CAMK1: variants seen among roughly 807,000 people sequenced by gnomAD.
The protein encoded by CAMK1 is calcium/calmodulin dependent protein kinase I.
CAMK1 carries 39 observed loss-of-function variants against 49.1 expected under a neutral mutation model. The observed-to-expected ratio is 0.79, with a 90% CI of 0.62 to 1.04. The LOEUF (loss-of-function observed/expected upper bound fraction) is 1.04, where lower values mean the gene tolerates loss of function less well. CAMK1 is among the 50% of genes least tolerant of loss of function. The pLI is 0.00. For missense variants in CAMK1, 457 were observed against 472.2 expected (o/e 0.97, Z 0.30); for synonymous variants, 192 against 185.2 (o/e 1.04, Z -0.30).
At chr3:9,763,623 C>G (rs780757314) in intron 3 of CAMK1, among the ~76,000 whole-genome samples, 1 of 152,112 alleles carries the variant, frequency 6.6e-6, no homozygotes, top group Non-Finnish European at 1.5e-5. Context: ...AAATCCTGCC[C>G]GTCACATGCT....
intron 1 of CAMK1, among the ~76,000 whole-genome samples, chr3:9,769,420 G>A (rs1024502943): frequency 1.3e-5 from 2 of 152,024 alleles, no homozygotes; most frequent in African/African-American, 4.8e-5. Flanking sequence ...AAGACCCTGA[G>A]AGCCAAATAC....
rs560364655 is a variant in CAMK1 at position 9,767,765 on chromosome 3, G to T, written c.-16C>A. On this transcript the variant is annotated 5_prime_UTR_variant, in exon 2 of 12. Coordinates refer to ENST00000256460, the MANE Select transcript of CAMK1 (RefSeq NM_003656.5). ...CCCCCAGCATGGCCCACTGCCCCCC[G>T]ACCACAGCCAGGGCTCCTGTAAGGA... The T allele has an allele frequency of 1.5e-5, 24 of 1,613,560 alleles. No individual in the cohort carries two copies. In the South Asian group the frequency reaches 1.9e-4, roughly 13 times the overall value.
chr3:9,767,744 C>CCG lies in CAMK1; in HGVS notation c.5_6insCG (p.Ala4GlyfsTer32). 1 of 1,614,046 alleles carries CCG rather than the reference C, an allele frequency of 6.2e-7. No individual in the cohort carries two copies. Among genetic ancestry groups the CCG allele is most frequent in the Non-Finnish European group, 8.5e-7 (1 of 1,180,014 alleles). ...TCCACCTGGGGCCTTCCACTGCCCC[C>CCG]AGCATGGCCCACTGCCCCCCGACCA... On this transcript the variant is annotated frameshift_variant, in exon 2 of 12. Coordinates refer to ENST00000256460, the MANE Select transcript of CAMK1 (RefSeq NM_003656.5). LOFTEE classifies it high-confidence loss of function.
rs2077885576 is a variant in CAMK1, at chr3:9,761,740, G to A, written c.447C>T (p.Tyr149=). The A allele has an allele frequency of 6.2e-7, 1 of 1,614,186 alleles. No homozygotes were observed. The highest frequency in any genetic ancestry group is 1.7e-5 in the Admixed American group (1 of 60,028). ...HRDLKPENLL[Y]YSLDEDSKIM... ...TTTTGGAGTCTTCATCCAGGCTGTA[G>A]TACAGCAGATTCTCTGGCTTGAAGG... The change falls in exon 6 of 12, where the codon TAC becomes TAT. Residue 149 remains tyrosine, a synonymous_variant. Coordinates refer to ENST00000256460, the MANE Select transcript of CAMK1 (RefSeq NM_003656.5).
chr3:9,767,759 C>T lies in CAMK1; in HGVS notation c.-10G>A, dbSNP rs757517790. ...CCACTGCCCCCAGCATGGCCCACTGCCCCCCGACCACAGCCAGGGCTCCTG... is the reference window on the plus strand; with the variant it reads ...CCACTGCCCCCAGCATGGCCCACTGTCCCCCGACCACAGCCAGGGCTCCTG... On this transcript the variant is annotated 5_prime_UTR_variant, in exon 2 of 12. Transcript: ENST00000256460. The T allele has an allele frequency of 3.7e-6, 6 of 1,613,462 alleles. No individual in the cohort carries two copies. The highest frequency in any genetic ancestry group is 1.6e-4 in the Middle Eastern group (1 of 6,084).
intron 8 of CAMK1, 93 bp downstream of exon 8, chr3:9,760,563 G>A (rs553868707): frequency 1.4e-5 from 18 of 1,313,436 alleles, no homozygotes; most frequent in East Asian, 1.2e-4. Flanking sequence ...TGGAAAATCC[G>A]ACAGAAGGAA....
At position 9,763,190 on chromosome 3, in the gene CAMK1, G is replaced by T. The variant is rs1267006800; in HGVS notation, c.239C>A (p.Ala80Asp). Residue 80 changes from alanine (A) to aspartate (D), a missense_variant, in exon 4 of 12, where the codon GCC becomes GAC. Transcript: ENST00000256460. Reference protein sequence around the residue: ...LHKIKHPNIVALDDIYESGGH... With the variant: ...LHKIKHPNIVDLDDIYESGGH... ...CCCACTCTCATAGATGTCATCCAGG[G>T]CTACAATGTTGGGGTGCTTGATCCT... 3 of 1,613,854 alleles carry T rather than the reference G, an allele frequency of 1.9e-6. No homozygotes were observed. The highest frequency in any genetic ancestry group is 2.2e-5 in the East Asian group (1 of 44,890).
At chr3:9,760,851 C>A (rs2077828730) in intron 7 of CAMK1, 83 bp from the exon 8 acceptor site, 9 of 1,584,718 alleles carry the variant, frequency 5.7e-6, no homozygotes, top group Non-Finnish European at 7.7e-6. Flanking sequence ...TCTCAGGGGT[C>A]AGGCAGGAGC....
At chr3:9,760,849 G>T in intron 7 of CAMK1, 81 bp from the exon 8 acceptor site, 1 of 1,590,704 alleles carries the variant, frequency 6.3e-7, no homozygotes, top group South Asian at 1.1e-5. Flanking sequence ...AGTCTCAGGG[G>T]TCAGGCAGGA....
rs924964400 is a variant in CAMK1, at chr3:9,757,986, C to G, written c.913-140G>C. 6.4e-6 allele frequency: 9 copies of G among 1,396,744 alleles called. No homozygotes were observed. The highest frequency in any genetic ancestry group is 8.5e-6 in the Non-Finnish European group (9 of 1,056,298). 86.5% of individuals were successfully genotyped at this position (1,396,744 alleles called of 1,614,324 possible). A position where few individuals can be genotyped will look rare whatever the true frequency, so the allele number is the denominator to read the frequency against. On this transcript the variant is annotated intron_variant, in intron 10 of 11. Transcript: ENST00000256460. This position sits in a 1 kb window ranked among gnomAD's most constrained non-coding sequence, Gnocchi z 4.5. Reference sequence around the variant, plus strand: ...TATTTTATTAATTCCCCTAAAGCCCCCCAAAAACCTCTACAAGGCTTTATT... The same window carrying G: ...TATTTTATTAATTCCCCTAAAGCCCGCCAAAAACCTCTACAAGGCTTTATT...
At chr3:9,762,251 GC>G (rs1175057147) in intron 5 of CAMK1, 1 of 153,980 alleles carries the variant, frequency 6.5e-6, no homozygotes, top group Non-Finnish European at 1.4e-5. Flanking sequence ...CTAAATGTGA[GC>G]CCCGTCGCTA....
chr3:9,759,688 C>G lies in CAMK1; in HGVS notation c.808G>C (p.Ala270Pro). Reference protein sequence around the residue: ...DPEKRFTCEQALQHPWIAGDT... With the variant: ...DPEKRFTCEQPLQHPWIAGDT... ...AATTCTCACCATGGGTGCTGCAAGG[C>G]CTGCTCACAGGTGAATCTTTTCTCT... The change falls in exon 9 of 12, where the codon GCC becomes CCC. Residue 270 changes from alanine to proline, a missense_variant. By Grantham distance (27) the Ala-to-Pro change is conservative (BLOSUM62 -1). Coordinates refer to ENST00000256460, the MANE Select transcript of CAMK1 (RefSeq NM_003656.5). 1 of 1,614,214 alleles carries G rather than the reference C, an allele frequency of 6.2e-7. No homozygotes were observed. The highest frequency in any genetic ancestry group is 8.5e-7 in the Non-Finnish European group (1 of 1,180,048).
Position 9,761,667 on chromosome 3 carries a change from C to G in CAMK1, c.520G>C (p.Val174Leu), listed in dbSNP as rs945677826. 6.2e-7 allele frequency: 1 copy of G among 1,614,190 alleles called. No homozygotes were observed. The highest frequency in any genetic ancestry group is 8.5e-7 in the Non-Finnish European group (1 of 1,180,016). The part of the protein sequence containing the change: ...GLSKMEDPGS[V>L]LSTACGTPGY... ...GGAGTTCCACAGGCGGTGGAGAGCA[C>G]ACTGCCCGGGTCCTCCATCTTGGAG... The change falls in exon 6 of 12, where the codon GTG becomes CTG. Residue 174 changes from valine (V) to leucine (L), a missense_variant. Val to Leu is a conservative substitution (Grantham distance 32, BLOSUM62 1). Coordinates refer to ENST00000256460, the MANE Select transcript of CAMK1 (RefSeq NM_003656.5).
At chr3:9,765,045 G>C (rs1420167797) in intron 3 of CAMK1, among the ~76,000 whole-genome samples, 1 of 151,762 alleles carries the variant, frequency 6.6e-6, no homozygotes, top group Non-Finnish European at 1.5e-5. Flanking sequence ...TGGCCAACAT[G>C]GCGAAACCCC....
At chr3:9,766,063 G>A in intron 2 of CAMK1, 173 bp from the exon 3 acceptor site, 2 of 1,580,758 alleles carry the variant, frequency 1.3e-6, no homozygotes, top group Non-Finnish European at 1.7e-6. Flanking sequence ...CCCAGGCCTG[G>A]CCAGTCAAAG....
intron 10 of CAMK1, chr3:9,759,215 C>T (rs761032372): frequency 4.3e-6 from 7 of 1,614,126 alleles, no homozygotes; most frequent in East Asian, 4.5e-5. Context: ...ACTTTTATGA[C>T]CTTTCTCGGA....
At chr3:9,760,563 G>T (rs553868707) in intron 8 of CAMK1, 93 bp downstream of exon 8, 3 of 1,313,436 alleles carry the variant, frequency 2.3e-6, no homozygotes, top group African/African-American at 2.9e-5. Context: ...TGGAAAATCC[G>T]ACAGAAGGAA....
At chr3:9,760,167 C>T (rs1478527931) in intron 8 of CAMK1, 3 of 196,084 alleles carry the variant, frequency 1.5e-5, no homozygotes, top group Non-Finnish European at 3.2e-5. Context: ...TGCTCGAACC[C>T]GGGAGACAGA....
rs2077629235 is a variant in CAMK1 at position 9,757,409 on chromosome 3, G to A, written c.*130C>T. 9 of 1,609,932 alleles carry A rather than the reference G, an allele frequency of 5.6e-6. No homozygotes were observed. Among genetic ancestry groups the A allele is most frequent in the Non-Finnish European group, 7.6e-6 (9 of 1,177,820 alleles). ...AAATAGAAACATTTGTATGGAAAAT[G>A]CAGTGAGGAGTGGTAGGGAAGCAGG... On this transcript the variant is annotated 3_prime_UTR_variant, in exon 12 of 12. Transcript: ENST00000256460. The surrounding 1 kb of genome is among the most constrained non-coding windows in gnomAD (Gnocchi z 4.5).
Sources: gnomAD v4.1 joint callset for allele counts (sites outside exome capture counted in the v4.1 genomes callset) on GRCh38, gnomAD v4.1.1 for gene constraint, Gnocchi (gnomAD v3.1) non-coding constraint, MANE v1.5 for transcripts, NCBI Gene and HGNC (gene_info 2026-07-23, HGNC 2026-07-21) for gene names.